Variants in CHN2 observed in about 807,000 individuals in gnomAD.
The protein encoded by CHN2 is beta-chimaerin.
In CHN2, 35 loss-of-function variants were observed where a neutral mutation model predicts 56.3. The observed-to-expected ratio is 0.62, with a 90% confidence interval of 0.47 to 0.82. The LOEUF (loss-of-function observed/expected upper bound fraction) is 0.82. Ranked by LOEUF, CHN2 falls within the 40% of genes least tolerant of loss-of-function variation. The pLI is 0.00. For synonymous variants in CHN2, 210 were observed against 212.8 expected (o/e 0.99, Z 0.12); for missense variants, 491 against 580.5 (o/e 0.85, Z 1.58).
chr7:29,195,939 T>G (rs746030879), intron 1 of CHN2, among the ~76,000 whole-genome samples: 26 of 152,244 alleles, frequency 1.7e-4, no homozygotes, highest in Non-Finnish European at 3.1e-4. Context: ...CATTGAAAAC[T>G]TTAATGACAA....
chr7:29,499,141 A>G (rs113739618), intron 8 of CHN2, among the ~76,000 whole-genome samples: 6 of 152,330 alleles, frequency 3.9e-5, no homozygotes, highest in African/African-American at 9.6e-5. Context: ...ATTGAACTTT[A>G]AAAGCACCCT....
intron 1 of CHN2, among the ~76,000 whole-genome samples, chr7:29,276,478 G>A (rs1226109402): frequency 1.3e-5 from 2 of 152,186 alleles, no homozygotes; most frequent in African/African-American, 4.8e-5. Flanking sequence ...ACAGCTTATG[G>A]TATTAAGTGG....
chr7:29,393,341 T>C (rs1229576322), intron 3 of CHN2, among the ~76,000 whole-genome samples: 2 of 152,252 alleles, frequency 1.3e-5, no homozygotes, highest in Admixed American at 6.5e-5. Context: ...GTTTTATTCA[T>C]GACAGAGTAG....
intron 1 of CHN2, among the ~76,000 whole-genome samples, chr7:29,352,808 G>A (rs1797990628): frequency 6.6e-6 from 1 of 152,084 alleles, no homozygotes; most frequent in African/African-American, 2.4e-5. Context: ...GCATTGTATG[G>A]ATGGGACTAG....
chr7:29,424,063 A>G (rs905108002), intron 6 of CHN2, among the ~76,000 whole-genome samples: 2 of 152,176 alleles, frequency 1.3e-5, no homozygotes, highest in East Asian at 3.8e-4. Flanking sequence ...TAGGGCGGAA[A>G]ACCCACTATA....
intron 1 of CHN2, among the ~76,000 whole-genome samples, chr7:29,285,533 G>A (rs1383421145): frequency 6.6e-6 from 1 of 152,228 alleles, no homozygotes; most frequent in Admixed American, 6.5e-5. Context: ...CTGTTTCCAT[G>A]AATGCAGCGT....
At chr7:29,387,202 G>T (rs960362363) in intron 3 of CHN2, among the ~76,000 whole-genome samples, 1 of 128,184 alleles carries the variant, frequency 7.8e-6, no homozygotes, top group East Asian at 2.3e-4. Flanking sequence ...AGAACCTATT[G>T]CCACGATGGT....
intron 1 of CHN2, among the ~76,000 whole-genome samples, chr7:29,326,091 C>T (rs926951388): frequency 4.6e-5 from 7 of 152,136 alleles, no homozygotes; most frequent in East Asian, 3.9e-4. Flanking sequence ...ATGCAAGTCA[C>T]GTCACCTCTT....
chr7:29,347,981 A>C (rs1797590744), intron 1 of CHN2, among the ~76,000 whole-genome samples: 2 of 152,210 alleles, frequency 1.3e-5, no homozygotes, highest in Admixed American at 1.3e-4. Context: ...GATTCACACA[A>C]ATCTCTTAAT....
At chr7:29,304,024 C>T (rs570260725) in intron 1 of CHN2, among the ~76,000 whole-genome samples, 1 of 151,696 alleles carries the variant, frequency 6.6e-6, no homozygotes, top group East Asian at 1.9e-4. Flanking sequence ...CGTGCCACTG[C>T]ACTCCAGCCT....
At chr7:29,159,718 T>C (rs1794921441) in intron 2 of CHN2, among the ~76,000 whole-genome samples, 1 of 152,156 alleles carries the variant, frequency 6.6e-6, no homozygotes, top group East Asian at 1.9e-4. Context: ...ATCCTGGGAT[T>C]ACTGATCCCT....
intron 3 of CHN2, among the ~76,000 whole-genome samples, chr7:29,392,612 C>A (rs1801452798): frequency 6.6e-6 from 1 of 152,114 alleles, no homozygotes; most frequent in African/African-American, 2.4e-5. Context: ...TCCCCAAAGC[C>A]CCAGCTCCGC....
At chr7:29,250,409 A>C (rs1330160369) in intron 1 of CHN2, among the ~76,000 whole-genome samples, 1 of 152,218 alleles carries the variant, frequency 6.6e-6, no homozygotes, top group Non-Finnish European at 1.5e-5. Context: ...CTGAAATGTT[A>C]CAGATAGGAG....
intron 1 of CHN2, among the ~76,000 whole-genome samples, chr7:29,346,113 C>T (rs1377563857): frequency 6.6e-6 from 1 of 152,168 alleles, no homozygotes; most frequent in East Asian, 1.9e-4. Context: ...TAACAGCCTT[C>T]AGATCTGGGT....
chr7:29,335,940 G>A (rs1796582634), intron 1 of CHN2: 1 of 152,446 alleles, frequency 6.6e-6, no homozygotes, highest in South Asian at 2.1e-4. Flanking sequence ...GTGCTGAGGA[G>A]AGTAAAGCTG....
At chr7:29,466,748 C>G (rs1328733075) in intron 6 of CHN2, among the ~76,000 whole-genome samples, 1 of 152,200 alleles carries the variant, frequency 6.6e-6, no homozygotes, top group Non-Finnish European at 1.5e-5. Flanking sequence ...TACTTTAGAT[C>G]TATTCAGTTT....
intron 1 of CHN2, chr7:29,335,571 G>A (rs1796549301): frequency 6.6e-6 from 1 of 152,222 alleles, no homozygotes; most frequent in Admixed American, 6.5e-5. Flanking sequence ...TAGTTTTTGA[G>A]TTTTGACAGC....
chr7:29,175,564 C>T (rs1272668186), intron 2 of CHN2, among the ~76,000 whole-genome samples: 1 of 152,120 alleles, frequency 6.6e-6, no homozygotes, highest in Non-Finnish European at 1.5e-5. Context: ...CCTTGCTCTT[C>T]CACCATGATT....
intron 6 of CHN2, among the ~76,000 whole-genome samples, chr7:29,433,331 G>T (rs1246724823): frequency 6.6e-6 from 1 of 152,250 alleles, no homozygotes; most frequent in Non-Finnish European, 1.5e-5. Context: ...AAGATGTGTA[G>T]AACTGGGAAG....
Sources: gnomAD v4.1 joint callset for allele counts (sites outside exome capture counted in the v4.1 genomes callset) on GRCh38, gnomAD v4.1.1 for gene constraint, MANE v1.5 for transcripts, NCBI Gene and HGNC (gene_info 2026-07-23, HGNC 2026-07-21) for gene names.